SCAPER: variants seen among roughly 807,000 people sequenced by gnomAD.
The protein encoded by SCAPER is S-phase cyclin A associated protein in the ER.
In SCAPER, 98 loss-of-function variants were observed where a neutral mutation model predicts 182.2. That is an observed-to-expected ratio of 0.54 (90% CI 0.46 to 0.64). The LOEUF (loss-of-function observed/expected upper bound fraction) is 0.64. Among genes scored for constraint, SCAPER ranks in the 30% least tolerant of loss-of-function variants. SCAPER has a pLI of 0.00. For missense variants in SCAPER, 1,432 were observed against 1,690.0 expected, an observed-to-expected ratio of 0.85 and a Z score of 2.68; for synonymous variants, 605 against 564.6, an observed-to-expected ratio of 1.07 and a Z score of -1.01.
intron 20 of SCAPER, among the ~76,000 whole-genome samples, chr15:76,677,588 T>C (rs1156802941): frequency 6.6e-6 from 1 of 151,862 alleles, no homozygotes; most frequent in Non-Finnish European, 1.5e-5. Flanking sequence ...TTAAGTCTAG[T>C]TTTTAAGTCA....
intron 23 of SCAPER, among the ~76,000 whole-genome samples, chr15:76,520,729 A>T (rs575172128): frequency 2.6e-5 from 4 of 152,334 alleles, no homozygotes; most frequent in African/African-American, 4.8e-5. Context: ...ACATGTGGAA[A>T]CTAAAGCTCA....
At chr15:76,766,218 T>G (rs947120141) in intron 11 of SCAPER, among the ~76,000 whole-genome samples, 3 of 152,080 alleles carry the variant, frequency 2.0e-5, no homozygotes, top group Admixed American at 6.6e-5. Flanking sequence ...TGCCTCAGCC[T>G]CCCAAGTAGC....
intron 21 of SCAPER, among the ~76,000 whole-genome samples, chr15:76,623,859 C>T (rs2052333223): frequency 6.8e-6 from 1 of 147,748 alleles, no homozygotes; most frequent in African/African-American, 2.6e-5. Flanking sequence ...TCCAACATCC[C>T]TTCATGATAA....
intron 24 of SCAPER, among the ~76,000 whole-genome samples, chr15:76,490,218 A>C (rs990716935): frequency 1.3e-5 from 2 of 152,178 alleles, no homozygotes; most frequent in Non-Finnish European, 2.9e-5. Context: ...TGAGGAATCT[A>C]TACTGTTTTC....
At chr15:76,766,558 G>T (rs934660063) in intron 11 of SCAPER, among the ~76,000 whole-genome samples, 3 of 151,418 alleles carry the variant, frequency 2.0e-5, no homozygotes, top group Non-Finnish European at 4.4e-5. Context: ...GGCTGGTCTC[G>T]AACTCCTATC....
chr15:76,455,702 T>G, intron 25 of SCAPER, among the ~76,000 whole-genome samples: 1 of 152,220 alleles, frequency 6.6e-6, no homozygotes, highest in East Asian at 1.9e-4. Context: ...GGGATACATG[T>G]GCTGAACGTG....
At chr15:76,412,985 T>C (rs2045398787) in intron 26 of SCAPER, among the ~76,000 whole-genome samples, 1 of 152,196 alleles carries the variant, frequency 6.6e-6, no homozygotes, top group Non-Finnish European at 1.5e-5. Context: ...TTCTGATGCT[T>C]TTTATAAATG....
At chr15:76,855,735 G>C (rs1182152357) in intron 4 of SCAPER, 5 of 264,104 alleles carry the variant, frequency 1.9e-5, no homozygotes, top group Admixed American at 3.7e-5. Context: ...CTTCACACCA[G>C]TCGGAATGGC....
intron 8 of SCAPER, among the ~76,000 whole-genome samples, chr15:76,778,585 TCA>T (rs2063887838): frequency 6.6e-6 from 1 of 151,884 alleles, no homozygotes; most frequent in Non-Finnish European, 1.5e-5. Context: ...CCAAATTAAA[TCA>T]CACAGGCTGG....
intron 22 of SCAPER, among the ~76,000 whole-genome samples, chr15:76,590,121 T>C (rs2048994770): frequency 6.6e-6 from 1 of 152,200 alleles, no homozygotes; most frequent in African/African-American, 2.4e-5. Context: ...CAGTAGTTCT[T>C]GGAGCAAAAG....
At chr15:76,686,101 T>C (rs536625374) in intron 20 of SCAPER, among the ~76,000 whole-genome samples, 4 of 152,144 alleles carry the variant, frequency 2.6e-5, no homozygotes, top group Admixed American at 2.6e-4. Context: ...ATATTTTTCC[T>C]AATAGATATA....
At chr15:76,564,460 G>A (rs1477114768) in intron 23 of SCAPER, among the ~76,000 whole-genome samples, 1 of 151,878 alleles carries the variant, frequency 6.6e-6, no homozygotes, top group East Asian at 1.9e-4. Flanking sequence ...CAACTAGGGA[G>A]GTAAAAGATC....
intron 23 of SCAPER, among the ~76,000 whole-genome samples, chr15:76,561,138 T>A (rs2046587458): frequency 6.6e-6 from 1 of 152,180 alleles, no homozygotes; most frequent in African/African-American, 2.4e-5. Context: ...TAGAGTAGAA[T>A]ATAGCCAGAG....
intron 8 of SCAPER, among the ~76,000 whole-genome samples, chr15:76,778,699 T>C (rs1004009452): frequency 1.3e-5 from 2 of 151,940 alleles, no homozygotes; most frequent in Admixed American, 1.3e-4. Flanking sequence ...ATACCTATAG[T>C]TTAAGTATGT....
chr15:76,868,413 TA>T (rs1190268009), intron 2 of SCAPER, among the ~76,000 whole-genome samples: 2 of 151,224 alleles, frequency 1.3e-5, no homozygotes, highest in African/African-American at 2.4e-5. Flanking sequence ...CCAAAAAACC[TA>T]AAGACTACAC....
intron 20 of SCAPER, among the ~76,000 whole-genome samples, chr15:76,667,147 C>T (rs2056634667): frequency 6.6e-6 from 1 of 152,114 alleles, no homozygotes; most frequent in South Asian, 2.1e-4. Context: ...TTGCCCTTAC[C>T]ACCCTTACCA....
At chr15:76,653,573 A>G (rs190276715) in intron 21 of SCAPER, among the ~76,000 whole-genome samples, 1 of 152,322 alleles carries the variant, frequency 6.6e-6, no homozygotes, top group East Asian at 1.9e-4. Context: ...CAACCATCTC[A>G]TCTTCAACAA....
At chr15:76,716,627 CAAT>C (rs1366033558) in intron 17 of SCAPER, among the ~76,000 whole-genome samples, 3 of 151,412 alleles carry the variant, frequency 2.0e-5, no homozygotes, top group Non-Finnish European at 4.4e-5. Context: ...TAAAAAATCT[CAAT>C]AAAAATCTTA....
intron 27 of SCAPER, among the ~76,000 whole-genome samples, chr15:76,402,683 A>G (rs2044547803): frequency 6.6e-6 from 1 of 152,102 alleles, no homozygotes; most frequent in Admixed American, 6.5e-5. Flanking sequence ...CAATGTCTTC[A>G]GGACAAGAGC....
Sources: allele counts gnomAD v4.1 joint callset (sites outside exome capture counted in the v4.1 genomes callset), GRCh38; gene constraint gnomAD v4.1.1; transcripts MANE v1.5; gene names NCBI Gene and HGNC (gene_info 2026-07-23, HGNC 2026-07-21).